The following NRXN1 variants were observed in gnomAD, a reference collection of about 807,000 sequenced individuals.
NRXN1 encodes the protein neurexin 1, also known as neurexin-1.
Under a neutral mutation model 150.9 loss-of-function variants are expected in NRXN1, and 39 were observed. That is an observed-to-expected ratio of 0.26 (90% CI 0.20 to 0.34). The LOEUF is 0.34. NRXN1 is among the 10% of genes least tolerant of loss of function. The pLI, the probability that NRXN1 is intolerant of heterozygous loss-of-function variation, is 1.00. For missense variants in NRXN1, 1,815 were observed against 1,949.9 expected, an observed-to-expected ratio of 0.93 and a Z score of 1.30; for synonymous variants, 924 against 757.0, an observed-to-expected ratio of 1.22 and a Z score of -3.62.
At chr2:50,704,500 A>C (rs1694173093) in intron 5 of NRXN1, among the ~76,000 whole-genome samples, 1 of 151,980 alleles carries the variant, frequency 6.6e-6, no homozygotes, top group East Asian at 1.9e-4. Flanking sequence ...TTAATTTAGA[A>C]GCTAAAAATC....
At chr2:50,263,197 C>T in intron 17 of NRXN1, among the ~76,000 whole-genome samples, 1 of 147,720 alleles carries the variant, frequency 6.8e-6, no homozygotes. Flanking sequence ...CACACACATA[C>T]ACAAACAGCA....
intron 21 of NRXN1, among the ~76,000 whole-genome samples, chr2:49,991,826 A>C (rs1326701906): frequency 6.6e-6 from 1 of 152,230 alleles, no homozygotes; most frequent in Non-Finnish European, 1.5e-5. Context: ...GACTGACATC[A>C]TCTAACGTCA....
At chr2:50,844,141 C>T (rs1030293484) in intron 5 of NRXN1, among the ~76,000 whole-genome samples, 7 of 152,078 alleles carry the variant, frequency 4.6e-5, no homozygotes, top group East Asian at 1.9e-4. Flanking sequence ...CTTGCAAGAT[C>T]GGGTGTCTGG....
At chr2:50,064,656 C>G (rs994564730) in intron 19 of NRXN1, among the ~76,000 whole-genome samples, 7 of 152,130 alleles carry the variant, frequency 4.6e-5, no homozygotes, top group African/African-American at 1.4e-4. Context: ...TCTGGTTTCT[C>G]TTCACATCGT....
chr2:50,184,184 T>C (rs1044012924), intron 18 of NRXN1, among the ~76,000 whole-genome samples: 4 of 152,030 alleles, frequency 2.6e-5, no homozygotes, highest in African/African-American at 9.7e-5. Context: ...AGTCCTACCT[T>C]TTACCCCATT....
intron 19 of NRXN1, among the ~76,000 whole-genome samples, chr2:50,090,589 G>A (rs1407990449): frequency 3.9e-5 from 6 of 152,028 alleles, no homozygotes; most frequent in South Asian, 2.1e-4. Flanking sequence ...ACAACCACAA[G>A]TAACATTGTT....
intron 21 of NRXN1, among the ~76,000 whole-genome samples, chr2:50,006,950 A>G (rs552036164): frequency 6.6e-6 from 1 of 152,278 alleles, no homozygotes; most frequent in South Asian, 2.1e-4. Context: ...GAGAGGCTAG[A>G]TGCTCATCTA....
intron 5 of NRXN1, among the ~76,000 whole-genome samples, chr2:50,778,453 A>C (rs939368303): frequency 6.6e-6 from 1 of 152,218 alleles, no homozygotes; most frequent in African/African-American, 2.4e-5. Context: ...ACACTGTTCG[A>C]GAATAACAAT....
rs977449913 is a variant in NRXN1 at position 50,664,282 on chromosome 2, T to A, written c.833-40667A>T. Among the ~76,000 whole-genome samples, 5 of 151,966 alleles carry A rather than the reference T, an allele frequency of 3.3e-5. No homozygotes were observed. In the East Asian group the frequency reaches 9.7e-4, roughly 29 times the overall value. On this transcript the variant is annotated intron_variant, in intron 5 of 22. Transcript: ENST00000401669. ...AAGACAAACTAAGGAACAAACAGCA[T>A]GCTTCTCTCTTCAAAGAAACTTGGC...
intron 18 of NRXN1, among the ~76,000 whole-genome samples, chr2:50,235,882 A>G (rs1353495299): frequency 1.3e-5 from 2 of 152,074 alleles, no homozygotes; most frequent in African/African-American, 2.4e-5. Flanking sequence ...AACTATGATA[A>G]TAAGAACCCT....
In NRXN1 at chr2:49,953,908, C is replaced by T. The variant is rs1014209974; in HGVS notation, c.4129-10117G>A. Among the ~76,000 whole-genome samples, 10 of 151,888 alleles carry T rather than the reference C, an allele frequency of 6.6e-5. No individual in the cohort carries two copies. In the East Asian group the frequency reaches 1.4e-3, roughly 21 times the overall value. On this transcript the variant is annotated intron_variant, in intron 21 of 22. Transcript: ENST00000401669. ...CCTTAGGACAAATACCTACTTCACGCGGGGTTTAAAACCTAGATGACAGGT... is the reference window on the plus strand; with the variant it reads ...CCTTAGGACAAATACCTACTTCACGTGGGGTTTAAAACCTAGATGACAGGT...
chr2:50,895,006 C>T (rs777780874), intron 5 of NRXN1, among the ~76,000 whole-genome samples: 96 of 152,202 alleles, frequency 6.3e-4, no homozygotes, highest in Non-Finnish European at 1.2e-3. Context: ...ATTACTACTG[C>T]TTTTCAAGAA....
chr2:50,181,109 C>T (rs973670576), intron 18 of NRXN1, among the ~76,000 whole-genome samples: 1 of 151,958 alleles, frequency 6.6e-6, no homozygotes, highest in Non-Finnish European at 1.5e-5. Flanking sequence ...TTCACAATAA[C>T]GTATTAGAGC....
intron 17 of NRXN1, among the ~76,000 whole-genome samples, chr2:50,258,263 G>T (rs1202572584): frequency 1.3e-5 from 2 of 152,000 alleles, no homozygotes; most frequent in African/African-American, 4.8e-5. Flanking sequence ...CAAAATTTGA[G>T]TCAATCCTCT....
chr2:50,755,617 C>T (rs1232623852), intron 5 of NRXN1, among the ~76,000 whole-genome samples: 1 of 151,746 alleles, frequency 6.6e-6, no homozygotes, highest in Admixed American at 6.6e-5. Context: ...AGGCTTTAAA[C>T]CACAAAACCA....
chr2:50,916,943 G>C (rs1685290444), intron 5 of NRXN1: 1 of 151,634 alleles, frequency 6.6e-6, no homozygotes, highest in Non-Finnish European at 1.5e-5. Flanking sequence ...CAGAACTAAT[G>C]AACATGTAAG....
intron 8 of NRXN1, among the ~76,000 whole-genome samples, chr2:50,604,960 C>T (rs1676857358): frequency 6.6e-6 from 1 of 152,104 alleles, no homozygotes; most frequent in East Asian, 1.9e-4. Context: ...CTCAATTCTC[C>T]CAAGGAGGAT....
intron 9 of NRXN1, among the ~76,000 whole-genome samples, chr2:50,542,223 G>GT (rs1368563117): frequency 6.6e-6 from 1 of 152,138 alleles, no homozygotes; most frequent in Non-Finnish European, 1.5e-5. Flanking sequence ...AGAGGTTGCG[G>GT]TGAGCCGAGA....
intron 17 of NRXN1, among the ~76,000 whole-genome samples, chr2:50,258,661 A>T (rs897576311): frequency 5.3e-5 from 8 of 152,100 alleles, no homozygotes; most frequent in Non-Finnish European, 1.2e-4. Context: ...AGAATGGTAA[A>T]TCCTTTCCAG....
Sources: gnomAD v4.1 joint callset for allele counts (sites outside exome capture counted in the v4.1 genomes callset) on GRCh38, gnomAD v4.1.1 for gene constraint, MANE v1.5 for transcripts, NCBI Gene and HGNC (gene_info 2026-07-23, HGNC 2026-07-21) for gene names.